PTK2: variants seen among roughly 807,000 people sequenced by gnomAD.
PTK2 encodes the protein focal adhesion kinase 1.
PTK2 carries 45 observed loss-of-function variants against 150.1 expected under a neutral mutation model. The ratio of observed to expected loss-of-function variants is 0.30; its 90% CI spans 0.24 to 0.38. The LOEUF is 0.38. PTK2 is among the 10% of genes least tolerant of loss of function. The probability of loss-of-function intolerance (pLI) is 1.00; values close to 1 mark genes in which losing one functional copy is unlikely to be tolerated. For missense variants in PTK2, 919 were observed against 1,307.3 expected (o/e 0.70, Z 4.58); for synonymous variants, 432 against 449.2 (o/e 0.96, Z 0.48).
chr8:140,983,644 T>C (rs1436474392), intron 1 of PTK2, among the ~76,000 whole-genome samples: 1 of 137,812 alleles, frequency 7.3e-6, no homozygotes, highest in African/African-American at 2.8e-5. Context: ...ATCACTGTCC[T>C]AGAGAGAGGG....
At chr8:140,875,384 C>T (rs2100144904) in intron 4 of PTK2, among the ~76,000 whole-genome samples, 1 of 152,128 alleles carries the variant, frequency 6.6e-6, no homozygotes, top group Non-Finnish European at 1.5e-5. Context: ...CAGATCCCAA[C>T]TTGAGTATTT....
At chr8:140,924,405 C>T (rs1452462168) in intron 2 of PTK2, among the ~76,000 whole-genome samples, 1 of 152,142 alleles carries the variant, frequency 6.6e-6, no homozygotes, top group East Asian at 1.9e-4. Context: ...TTGGCTACCC[C>T]CACTACAATG....
chr8:140,664,809 C>A, intron 31 of PTK2, 108 bp downstream of exon 35: 1 of 1,107,218 alleles, frequency 9.0e-7, no homozygotes, highest in Admixed American at 2.0e-5. Context: ...CAGTTGATGT[C>A]TCTGCTGGCC....
intron 3 of PTK2, among the ~76,000 whole-genome samples, chr8:140,885,261 T>C: frequency 6.6e-6 from 1 of 152,234 alleles, no homozygotes; most frequent in Non-Finnish European, 1.5e-5. Context: ...TAAGGCTTTC[T>C]ACTTCTGTGG....
At chr8:140,753,995 G>A (rs910718523) in intron 16 of PTK2, among the ~76,000 whole-genome samples, 15 of 152,214 alleles carry the variant, frequency 9.9e-5, no homozygotes, top group Middle Eastern at 3.4e-3. Context: ...GTTAGCTGTC[G>A]CATACTTTCA....
chr8:140,918,412 T>G (rs1025419914), intron 2 of PTK2, among the ~76,000 whole-genome samples: 1 of 152,242 alleles, frequency 6.6e-6, no homozygotes, highest in African/African-American at 2.4e-5. Context: ...TTTCTGCATT[T>G]GATAGTCTTG....
intron 16 of PTK2, among the ~76,000 whole-genome samples, chr8:140,760,335 T>A (rs773450829): frequency 6.6e-6 from 1 of 152,090 alleles, no homozygotes; most frequent in Non-Finnish European, 1.5e-5. Flanking sequence ...CAAATATTCA[T>A]CAACTGATGA....
intron 31 of PTK2, among the ~76,000 whole-genome samples, chr8:140,662,356 G>GA (rs2081721717): frequency 6.6e-6 from 1 of 151,986 alleles, no homozygotes; most frequent in Non-Finnish European, 1.5e-5. Flanking sequence ...TTGTGTATTG[G>GA]AATCAGGGGA....
intron 10 of PTK2, among the ~76,000 whole-genome samples, chr8:140,811,721 A>C (rs1392222900): frequency 6.6e-6 from 1 of 152,230 alleles, no homozygotes; most frequent in Non-Finnish European, 1.5e-5. Context: ...AAAAGAACAT[A>C]ATCAACCTGA....
At chr8:140,831,706 T>G (rs527477904) in intron 7 of PTK2, among the ~76,000 whole-genome samples, 2 of 152,216 alleles carry the variant, frequency 1.3e-5, no homozygotes, top group Non-Finnish European at 2.9e-5. Context: ...TACTTTCTGG[T>G]TTTACCCATC....
chr8:140,976,505 A>C (rs2100189302), intron 1 of PTK2, among the ~76,000 whole-genome samples: 1 of 152,232 alleles, frequency 6.6e-6, no homozygotes. Context: ...CACAAAATTA[A>C]ACAGCTTAAT....
chr8:140,751,855 C>T (rs1388705756), intron 17 of PTK2: 4 of 511,582 alleles, frequency 7.8e-6, no homozygotes, highest in African/African-American at 7.7e-5. Context: ...TATTCCTTCA[C>T]TAGTCTATGA....
chr8:140,788,134 T>A (rs1212707080), intron 14 of PTK2, among the ~76,000 whole-genome samples: 1 of 152,186 alleles, frequency 6.6e-6, no homozygotes, highest in East Asian at 1.9e-4. Context: ...GAAGTCACGA[T>A]TAAGCTTATA....
At chr8:140,941,629 AAG>A (rs1269468441) in intron 1 of PTK2, among the ~76,000 whole-genome samples, 1 of 152,140 alleles carries the variant, frequency 6.6e-6, no homozygotes, top group East Asian at 1.9e-4. Context: ...CTTTTTAACC[AAG>A]AGTTTATTGG....
intron 1 of PTK2, among the ~76,000 whole-genome samples, chr8:140,996,193 C>T (rs1307852462): frequency 6.6e-6 from 1 of 152,216 alleles, no homozygotes; most frequent in Non-Finnish European, 1.5e-5. Flanking sequence ...GACCCAAGGC[C>T]TAACAAGGCC....
chr8:140,832,212 G>A (rs1201969034), intron 7 of PTK2, among the ~76,000 whole-genome samples: 2 of 151,998 alleles, frequency 1.3e-5, no homozygotes, highest in African/African-American at 2.4e-5. Context: ...GCACTACCAC[G>A]CCCAGCTATT....
At chr8:140,953,728 A>G (rs567267032) in intron 1 of PTK2, among the ~76,000 whole-genome samples, 3 of 152,332 alleles carry the variant, frequency 2.0e-5, no homozygotes, top group Admixed American at 2.0e-4. Flanking sequence ...TCTACCAGTC[A>G]AGAGCACAAC....
rs771730001 is a variant in PTK2 at position 140,731,819 on chromosome 8, C to G, written c.2030+3432G>C. Among the ~76,000 whole-genome samples the G allele has an allele frequency of 2.0e-5, 3 of 152,132 alleles. No homozygotes were observed. The East Asian group carries it at 5.8e-4, about 29-fold the overall frequency. ...TCAGGAGGCTAAGGTGGGAGAATCA[C>G]TTGAGCATGGGAGGTGGAGGTTGCA... On this transcript the variant is annotated intron_variant, in intron 22 of 31. Coordinates refer to ENST00000522684, the Ensembl canonical transcript of PTK2.
chr8:140,782,126 T>C (rs1481641769), intron 14 of PTK2, among the ~76,000 whole-genome samples: 1 of 152,124 alleles, frequency 6.6e-6, no homozygotes, highest in Admixed American at 6.6e-5. Flanking sequence ...AACAGATCAA[T>C]AACATTCAAT....
Sources: gnomAD v4.1 joint callset for allele counts (sites outside exome capture counted in the v4.1 genomes callset) on GRCh38, gnomAD v4.1.1 for gene constraint, MANE v1.5 for transcripts, NCBI Gene and HGNC (gene_info 2026-07-23, HGNC 2026-07-21) for gene names.